FANCD2: variants seen among roughly 807,000 people sequenced by gnomAD.
FANCD2 encodes FA complementation group D2, also known as Fanconi anemia group D2 protein.
In FANCD2, 131 loss-of-function variants were observed where a neutral mutation model predicts 192.3. The observed-to-expected ratio is 0.68, with a 90% confidence interval of 0.59 to 0.79. The LOEUF (loss-of-function observed/expected upper bound fraction) is 0.79, where lower values mean the gene tolerates loss of function less well. Ranked by LOEUF, FANCD2 falls within the 30% of genes least tolerant of loss-of-function variation. FANCD2 has a pLI of 0.00. For synonymous variants in FANCD2, 524 were observed against 612.5 expected (o/e 0.86, Z 2.13); for missense variants, 1,508 against 1,701.6 (o/e 0.89, Z 2.00).
At chr3:10,045,044 A>T (rs1360550979) in intron 14 of FANCD2, among the ~76,000 whole-genome samples, 2 of 132,946 alleles carry the variant, frequency 1.5e-5, no homozygotes, top group Non-Finnish European at 3.1e-5. Flanking sequence ...AAGTAGTAAA[A>T]TTTTTTTTGT....
At chr3:10,074,009 G>T (rs1693394943) in intron 28 of FANCD2, among the ~76,000 whole-genome samples, 1 of 151,972 alleles carries the variant, frequency 6.6e-6, no homozygotes, top group African/African-American at 2.4e-5. Flanking sequence ...GCAGTGGCAC[G>T]ATCTTGGCTC....
At chr3:10,041,865 A>G (rs562568236) in intron 10 of FANCD2, among the ~76,000 whole-genome samples, 155 bp downstream of exon 10, 86 of 147,394 alleles carry the variant, frequency 5.8e-4, no homozygotes, top group African/African-American at 1.9e-3. Context: ...TTTCCCCTCA[A>G]TGAGTTTCAG....
chr3:10,092,392 C>T, intron 38 of FANCD2, 140 bp downstream of exon 38: 2 of 758,644 alleles, frequency 2.6e-6, no homozygotes, highest in African/African-American at 1.7e-5. Context: ...CTTCCTTTGT[C>T]CCCCTACCCA....
chr3:10,049,475 T>A lies in FANCD2; in HGVS notation c.1515T>A (p.Ser505=). The change falls in exon 17 of 44, where the codon TCT becomes TCA. Residue 505 remains serine, a synonymous_variant. Coordinates refer to ENST00000675286, the MANE Select transcript of FANCD2 (RefSeq NM_001018115.3). ...VLLELVVLNP[S]AMMMNAVFVK... ...TAGAGTTGGTAGTGTTAAACCCATCTGCTATGATGATGAATGCTGTCTTTG... is the reference window on the plus strand; with the variant it reads ...TAGAGTTGGTAGTGTTAAACCCATCAGCTATGATGATGAATGCTGTCTTTG... 6.2e-7 allele frequency: 1 copy of A among 1,600,990 alleles called. No homozygotes were observed. Among genetic ancestry groups the A allele is most frequent in the Non-Finnish European group, 8.5e-7 (1 of 1,169,776 alleles).
chr3:10,095,878 ATTTTTTTTT>A, intron 41 of FANCD2, among the ~76,000 whole-genome samples: 1 of 125,780 alleles, frequency 8.0e-6, no homozygotes, highest in Non-Finnish European at 1.6e-5. Flanking sequence ...CTGAACAGTG[ATTTTTTTTT>A]TTTTTTTTTT....
At chr3:10,047,862 G>A (rs1017926772) in intron 15 of FANCD2, 55 bp from the exon 16 acceptor site, 87 of 1,606,530 alleles carry the variant, frequency 5.4e-5, no homozygotes, top group Non-Finnish European at 7.1e-5. Flanking sequence ...CTCTTAGGTT[G>A]TGTACTAACT....
rs1693411784 is a variant in FANCD2, at chr3:10,074,215, A to G, written c.2716-315A>G. On this transcript the variant is annotated intron_variant, in intron 28 of 43. Coordinates refer to ENST00000675286, the MANE Select transcript of FANCD2 (RefSeq NM_001018115.3). ...CACGTCAGCCTCCCAAAGTCCTGGG[A>G]TTACAGGCATGAACCACCACACCTG... Among the ~76,000 whole-genome samples the G allele has an allele frequency of 1.2e-4, 19 of 152,298 alleles. No homozygotes were observed. The South Asian group carries it at 3.9e-3, about 32-fold the overall frequency.
chr3:10,092,899 C>A (rs1694738540), intron 38 of FANCD2, among the ~76,000 whole-genome samples: 1 of 151,816 alleles, frequency 6.6e-6, no homozygotes, highest in South Asian at 2.1e-4. Flanking sequence ...ATTCTGTTCC[C>A]CAGGCTGGCC....
rs949756970 is a variant in FANCD2, at chr3:10,039,701, A to C, written c.571-20A>C. 3 of 1,613,978 alleles carry C rather than the reference A, an allele frequency of 1.9e-6. No individual in the cohort carries two copies. The Admixed American group carries it at 5.0e-5, about 27-fold the overall frequency. On this transcript the variant is annotated intron_variant, in intron 8 of 43. Coordinates refer to ENST00000675286, the MANE Select transcript of FANCD2 (RefSeq NM_001018115.3). Reference sequence around the variant, plus strand: ...ATTCTGGGTAATGTGCTGCAGTTCTAATAGTGTCTTCTACTGCAGGACCTC... The same window carrying C: ...ATTCTGGGTAATGTGCTGCAGTTCTCATAGTGTCTTCTACTGCAGGACCTC...
chr3:10,073,191 A>G (rs1204033169), intron 27 of FANCD2, 62 bp from the exon 28 acceptor site: 11 of 1,362,528 alleles, frequency 8.1e-6, no homozygotes, highest in African/African-American at 4.3e-5. Flanking sequence ...TCTGAGGGCA[A>G]TGATATTTGG....
At chr3:10,060,099 A>G (rs1454958388) in intron 18 of FANCD2, among the ~76,000 whole-genome samples, 195 bp from the exon 19 acceptor site, 2 of 151,382 alleles carry the variant, frequency 1.3e-5, no homozygotes, top group African/African-American at 4.9e-5. Context: ...CCTGGGAGGC[A>G]GAGGTTGCAG....
chr3:10,038,395 A>G (rs1023396549), intron 7 of FANCD2, among the ~76,000 whole-genome samples: 21 of 152,268 alleles, frequency 1.4e-4, no homozygotes, highest in African/African-American at 5.1e-4. Context: ...AACAAGGACC[A>G]TGCTGTCAAG....
chr3:10,075,695 G>A (rs966059978), intron 29 of FANCD2, among the ~76,000 whole-genome samples: 3 of 149,526 alleles, frequency 2.0e-5, no homozygotes, highest in East Asian at 2.0e-4. Context: ...AAATTTACAC[G>A]AATGTAGGTA....
In FANCD2 at chr3:10,074,006, C is replaced by T. The variant is rs182864098; in HGVS notation, c.2716-524C>T. Among the ~76,000 whole-genome samples the T allele has an allele frequency of 3.2e-3, 492 of 152,204 alleles. 6 individuals carry two copies. The highest frequency in any genetic ancestry group is 0.011 in the African/African-American group (471 of 41,534). Reference sequence around the variant, plus strand: ...TGTCACCCAGGCTGGAGTGCAGTGGCACGATCTTGGCTCACTGCAACCTCC... The same window carrying T: ...TGTCACCCAGGCTGGAGTGCAGTGGTACGATCTTGGCTCACTGCAACCTCC... On this transcript the variant is annotated intron_variant, in intron 28 of 43. Transcript: ENST00000675286.
chr3:10,041,208 A>C, intron 9 of FANCD2: 1 of 230,868 alleles, frequency 4.3e-6, no homozygotes, highest in Non-Finnish European at 8.5e-6. Context: ...TCAAAAAACA[A>C]ACAAACAAAA....
At chr3:10,079,393 C>T (rs534806466) in intron 30 of FANCD2, among the ~76,000 whole-genome samples, 1 of 152,284 alleles carries the variant, frequency 6.6e-6, no homozygotes, top group East Asian at 1.9e-4. Flanking sequence ...CAGCCTCTGC[C>T]TCCTGGGTTC....
intron 28 of FANCD2, among the ~76,000 whole-genome samples, chr3:10,073,583 T>G (rs538815281): frequency 1.3e-5 from 2 of 152,362 alleles, no homozygotes; most frequent in Admixed American, 1.3e-4. Context: ...AATTATTTTC[T>G]TGACTGTTTT....
chr3:10,031,318 A>C (rs1027176554), intron 2 of FANCD2, among the ~76,000 whole-genome samples: 12 of 152,082 alleles, frequency 7.9e-5, no homozygotes, highest in Non-Finnish European at 1.5e-4. Context: ...CTTGGCTAAC[A>C]TGGTGAAACC....
At chr3:10,090,270 G>C (rs115247173) in intron 36 of FANCD2, 22 bp from the exon 37 acceptor site, 7 of 1,564,164 alleles carry the variant, frequency 4.5e-6, no homozygotes, top group Middle Eastern at 3.4e-4. Flanking sequence ...GTGTGGGCAC[G>C]CATGCTTTTC....
Sources: gnomAD v4.1 joint callset for allele counts (sites outside exome capture counted in the v4.1 genomes callset) on GRCh38, gnomAD v4.1.1 for gene constraint, MANE v1.5 for transcripts, NCBI Gene and HGNC (gene_info 2026-07-23, HGNC 2026-07-21) for gene names.